FGF1: variants seen among roughly 807,000 people sequenced by gnomAD.
The protein encoded by FGF1 is fibroblast growth factor 1.
FGF1 carries 9 observed loss-of-function variants against 13.4 expected under a neutral mutation model. The observed-to-expected ratio is 0.67, with a 90% CI of 0.40 to 1.17. FGF1 has a LOEUF of 1.17. Ranked by LOEUF, FGF1 falls within the 50% of genes most tolerant of loss-of-function variation. The pLI, the probability that FGF1 is intolerant of heterozygous loss-of-function variation, is 0.01. For synonymous variants in FGF1, 93 were observed against 79.0 expected (o/e 1.18, Z -0.94); for missense variants, 156 against 192.7 (o/e 0.81, Z 1.13).
chr5:142,624,086 AT>A (rs1355481580), intron 1 of FGF1, among the ~76,000 whole-genome samples: 1 of 151,712 alleles, frequency 6.6e-6, no homozygotes, highest in Non-Finnish European at 1.5e-5. Context: ...TACCTGGCTA[AT>A]TTTTGTATTT....
intron 2 of FGF1, among the ~76,000 whole-genome samples, chr5:142,693,227 C>T (rs890295480): frequency 6.6e-6 from 1 of 152,178 alleles, no homozygotes; most frequent in African/African-American, 2.4e-5. Context: ...CATCCTTTGG[C>T]AAAGCCCTGT....
At chr5:142,667,688 G>A (rs1041516680) in intron 1 of FGF1, among the ~76,000 whole-genome samples, 1 of 152,032 alleles carries the variant, frequency 6.6e-6, no homozygotes, top group Non-Finnish European at 1.5e-5. Context: ...TGACAGGAGC[G>A]GCTGTCCTCC....
chr5:142,629,884 T>C (rs1237158090), intron 1 of FGF1, among the ~76,000 whole-genome samples: 6 of 94,936 alleles, frequency 6.3e-5, no homozygotes, highest in Non-Finnish European at 1.2e-4. Context: ...ATATTATATA[T>C]ATATATATAT....
intron 1 of FGF1, among the ~76,000 whole-genome samples, chr5:142,634,799 T>C (rs903036948): frequency 3.3e-5 from 5 of 152,232 alleles, no homozygotes; most frequent in African/African-American, 1.2e-4. Context: ...ACTGTTTGAC[T>C]TTCTCTAAAA....
chr5:142,611,036 C>T (rs578085237), intron 2 of FGF1, among the ~76,000 whole-genome samples: 11 of 152,282 alleles, frequency 7.2e-5, no homozygotes, highest in South Asian at 4.1e-4. Flanking sequence ...CTTTTAGAAA[C>T]GCTCTTTCTG....
upstream of FGF1, among the ~76,000 whole-genome samples, chr5:142,689,250 T>TA (rs1561769742): frequency 6.6e-6 from 1 of 152,180 alleles, no homozygotes; most frequent in Non-Finnish European, 1.5e-5. Context: ...CAACAAATCT[T>TA]AATCAGCTGA....
At chr5:142,688,577 T>C (rs908068655), upstream of FGF1, among the ~76,000 whole-genome samples, 2 of 152,236 alleles carry the variant, frequency 1.3e-5, no homozygotes, top group African/African-American at 4.8e-5. Context: ...ACAGAAATCA[T>C]GTCTTCCTCC....
At chr5:142,638,375 G>A (rs1240820159) in intron 1 of FGF1, among the ~76,000 whole-genome samples, 3 of 151,898 alleles carry the variant, frequency 2.0e-5, no homozygotes, top group Admixed American at 6.6e-5. Context: ...ACTTCACCCC[G>A]GAGGCCTCGC....
chr5:142,618,957 C>T (rs1286805386), intron 1 of FGF1, among the ~76,000 whole-genome samples: 8 of 95,030 alleles, frequency 8.4e-5, no homozygotes, highest in East Asian at 6.5e-4. Context: ...TTTTTTGAGA[C>T]GGAGTCCCGC....
At chr5:142,691,250 G>A (rs1048890917) in intron 2 of FGF1, among the ~76,000 whole-genome samples, 1 of 151,786 alleles carries the variant, frequency 6.6e-6, no homozygotes, top group Non-Finnish European at 1.5e-5. Context: ...GTGAAACCCC[G>A]TCTCTACTAA....
intron 2 of FGF1, among the ~76,000 whole-genome samples, chr5:142,601,775 G>A (rs1178417676): frequency 6.6e-6 from 1 of 152,100 alleles, no homozygotes; most frequent in East Asian, 1.9e-4. Flanking sequence ...AGGACTATGA[G>A]TTACAGAGTC....
rs558529029 is a variant in FGF1, at chr5:142,618,999, A to G, written c.-34-4838T>C. On this transcript the variant is annotated intron_variant, in intron 1 of 3. Transcript: ENST00000337706. Reference sequence around the variant, plus strand: ...GCCCAGGCCGGATTGCAGTGGCACAATCTCGGCTCACTGCAAGCTCCGCCT... The same window carrying G: ...GCCCAGGCCGGATTGCAGTGGCACAGTCTCGGCTCACTGCAAGCTCCGCCT... 7.5e-4 allele frequency among the ~76,000 whole-genome samples: 106 copies of G among 142,274 alleles called. 1 individual carries two copies. Among genetic ancestry groups the G allele is most frequent in the African/African-American group, 2.7e-3 (99 of 37,086 alleles). 93.3% of individuals were successfully genotyped at this position (142,274 alleles called of 152,430 possible). A position where few individuals can be genotyped will look rare whatever the true frequency, so the allele number is the denominator to read the frequency against.
At chr5:142,660,360 C>G (rs1442836321) in intron 1 of FGF1, among the ~76,000 whole-genome samples, 1 of 152,212 alleles carries the variant, frequency 6.6e-6, no homozygotes, top group South Asian at 2.1e-4. Flanking sequence ...CTGTGGCTGC[C>G]CACCCTTTGG....
chr5:142,659,463 G>A (rs73284567), intron 1 of FGF1, among the ~76,000 whole-genome samples: 6,401 of 152,116 alleles, frequency 0.042, 456 homozygotes, highest in African/African-American at 0.15. Flanking sequence ...TCTTGACCTC[G>A]TATTCCACCC....
intron 3 of FGF1, among the ~76,000 whole-genome samples, chr5:142,598,238 C>A (rs573545469): frequency 6.6e-6 from 1 of 152,092 alleles, no homozygotes; most frequent in Non-Finnish European, 1.5e-5. Context: ...GTGAGGATGG[C>A]CACATTCCCC....
chr5:142,667,309 G>A lies in FGF1; in HGVS notation c.-35+18648C>T, dbSNP rs528314006. On this transcript the variant is annotated intron_variant, in intron 1 of 3. Coordinates refer to ENST00000337706, the MANE Select transcript of FGF1 (RefSeq NM_000800.5). ...AAGAAAAAAGAGAAAGAAACAGGCC[G>A]GGCGCGGTGGCTCACGCCTGTAATC... Among the ~76,000 whole-genome samples, 67 of 150,342 alleles carry A rather than the reference G, an allele frequency of 4.5e-4. No homozygotes were observed. The South Asian group carries it at 7.4e-3, about 17-fold the overall frequency.
chr5:142,690,318 G>C (rs375817706), upstream of FGF1, among the ~76,000 whole-genome samples: 56 of 152,194 alleles, frequency 3.7e-4, no homozygotes, highest in African/African-American at 1.3e-3. Flanking sequence ...CAGCCTGGGT[G>C]ACAGAGTGAG....
chr5:142,644,816 A>G (rs1765745495), intron 1 of FGF1, among the ~76,000 whole-genome samples: 2 of 152,220 alleles, frequency 1.3e-5, no homozygotes, highest in African/African-American at 2.4e-5. Context: ...CATGGCACAT[A>G]GTAGACCCTC....
intron 1 of FGF1, among the ~76,000 whole-genome samples, chr5:142,681,667 A>G (rs773390998): frequency 1.3e-5 from 2 of 152,052 alleles, no homozygotes; most frequent in Non-Finnish European, 2.9e-5. Flanking sequence ...CACCTCTCAT[A>G]ATCCCCCCAA....
Sources: gnomAD v4.1 joint callset for allele counts (sites outside exome capture counted in the v4.1 genomes callset) on GRCh38, gnomAD v4.1.1 for gene constraint, MANE v1.5 for transcripts, NCBI Gene and HGNC (gene_info 2026-07-23, HGNC 2026-07-21) for gene names.